Variants in SMCHD1 observed in about 807,000 individuals in gnomAD.
The protein encoded by SMCHD1 is structural maintenance of chromosomes flexible hinge domain containing 1.
A neutral mutation model predicts 254.7 loss-of-function variants in SMCHD1; 78 were observed. The observed-to-expected ratio is 0.31, with a 90% CI of 0.26 to 0.37. The LOEUF (loss-of-function observed/expected upper bound fraction) is 0.37. Ranked by LOEUF, SMCHD1 falls within the 10% of genes least tolerant of loss-of-function variation. The pLI, the probability that SMCHD1 is intolerant of heterozygous loss-of-function variation, is 1.00. For missense variants in SMCHD1, 1,840 were observed against 2,408.1 expected, an observed-to-expected ratio of 0.76 and a Z score of 4.94; for synonymous variants, 766 against 794.9, an observed-to-expected ratio of 0.96 and a Z score of 0.61.
chr18:2,662,409 G>A (rs2073308586), intron 1 of SMCHD1, among the ~76,000 whole-genome samples: 1 of 151,724 alleles, frequency 6.6e-6, no homozygotes, highest in Non-Finnish European at 1.5e-5. Flanking sequence ...ACTTTGGGAG[G>A]CCAAGGCAGG....
Position 2,721,664 on chromosome 18 carries a change from T to C in SMCHD1, c.2459-855T>C, listed in dbSNP as rs899131786. 7.2e-5 allele frequency among the ~76,000 whole-genome samples: 11 copies of C among 152,202 alleles called. 1 individual carries two copies. Among genetic ancestry groups the C allele is most frequent in the African/African-American group, 2.4e-4 (10 of 41,448 alleles). ...ATGCCATGGTACCTTCACTTCTCACTATGAGAGTTCCAATTGACTGCATGC... is the reference window on the plus strand; with the variant it reads ...ATGCCATGGTACCTTCACTTCTCACCATGAGAGTTCCAATTGACTGCATGC... On this transcript the variant is annotated intron_variant, in intron 19 of 47. Coordinates refer to ENST00000320876, the MANE Select transcript of SMCHD1 (RefSeq NM_015295.3).
chr18:2,703,773 A>G lies in SMCHD1; in HGVS notation c.1729A>G (p.Thr577Ala). Residue 577 changes from threonine (T) to alanine (A), a missense_variant, in exon 13 of 48, where the codon ACA becomes GCA. By Grantham distance (58) the Thr-to-Ala change is moderately conservative. Around this residue, in one of 9 missense-constraint regions of SMCHD1, gnomAD observed 498 missense variants for 743.5 expected, o/e 0.67. Coordinates refer to ENST00000320876, the MANE Select transcript of SMCHD1 (RefSeq NM_015295.3). ...HEKYDKQIKF[T>A]LFKGVITRPD... is the part of the protein sequence containing the mutation. ...GAAGTATGATAAACAAATAAAATTT[A>G]CACTTTTTAAGGGAGTAATTACACG... is the stretch of plus-strand genomic sequence containing the variant. 3 of 1,612,910 alleles carry G rather than the reference A, an allele frequency of 1.9e-6. No individual in the cohort carries two copies. Among genetic ancestry groups the G allele is most frequent in the Non-Finnish European group, 2.5e-6 (3 of 1,179,266 alleles).
chr18:2,736,390 C>T (rs1262084195), intron 25 of SMCHD1, among the ~76,000 whole-genome samples: 1 of 152,056 alleles, frequency 6.6e-6, no homozygotes, highest in Admixed American at 6.6e-5. Context: ...AGTTACAACA[C>T]AAACAAAAAT....
At chr18:2,733,294 T>G (rs1330208336) in intron 25 of SMCHD1, among the ~76,000 whole-genome samples, 1 of 152,212 alleles carries the variant, frequency 6.6e-6, no homozygotes, top group Non-Finnish European at 1.5e-5. Context: ...GGCACAATAC[T>G]CAAACTTTCT....
At chr18:2,716,561 G>A (rs2074803843) in intron 17 of SMCHD1, among the ~76,000 whole-genome samples, 1 of 152,178 alleles carries the variant, frequency 6.6e-6, no homozygotes, top group Non-Finnish European at 1.5e-5. Flanking sequence ...GCAGGGCTGG[G>A]CTGGAGAATC....
At chr18:2,661,200 G>A (rs1344248264) in intron 1 of SMCHD1, among the ~76,000 whole-genome samples, 1 of 152,124 alleles carries the variant, frequency 6.6e-6, no homozygotes, top group Non-Finnish European at 1.5e-5. Context: ...CAAGGAGAGG[G>A]AGAGAATTAG....
intron 44 of SMCHD1, among the ~76,000 whole-genome samples, chr18:2,783,014 T>C (rs555268884): frequency 6.6e-6 from 1 of 152,308 alleles, no homozygotes; most frequent in South Asian, 2.1e-4. Flanking sequence ...TTACATTTAC[T>C]TTATCTTGTA....
intron 17 of SMCHD1, among the ~76,000 whole-genome samples, chr18:2,715,868 A>G (rs2074786956): frequency 6.6e-6 from 1 of 152,152 alleles, no homozygotes; most frequent in Non-Finnish European, 1.5e-5. Flanking sequence ...TAAAATAATC[A>G]GTATTTTGAA....
chr18:2,688,353 A>G, intron 5 of SMCHD1, 41 bp from the exon 6 acceptor site: 3 of 1,426,168 alleles, frequency 2.1e-6, no homozygotes, highest in Non-Finnish European at 3.0e-6. Flanking sequence ...TTGACACTTA[A>G]CTAGCTTGTT....
intron 34 of SMCHD1, among the ~76,000 whole-genome samples, chr18:2,755,810 A>AG (rs1412052116): frequency 1.8e-4 from 27 of 147,864 alleles, no homozygotes; most frequent in Admixed American, 4.0e-4. Context: ...ATTGTGATCC[A>AG]CCCGCCTTGG....
chr18:2,747,528 C>T lies in SMCHD1; in HGVS notation c.3808C>T (p.Pro1270Ser), dbSNP rs770904056. The T allele has an allele frequency of 1.2e-6, 2 of 1,602,834 alleles. No homozygotes were observed. Among genetic ancestry groups the T allele is most frequent in the African/African-American group, 2.7e-5 (2 of 74,592 alleles). The change falls in exon 30 of 48, where the codon CCA (proline) becomes TCA (serine). Residue 1270 changes from proline to serine, a missense_variant. By Grantham distance (74) the Pro-to-Ser change is moderately conservative. Transcript: ENST00000320876. ...IDWPELKESI[P>S]VINGRDLQNP... ...ATATTTCTATTCTTTTCAGTCCATTCCAGTGATTAATGGAAGAGATTTACA... is the reference window on the plus strand; with the variant it reads ...ATATTTCTATTCTTTTCAGTCCATTTCAGTGATTAATGGAAGAGATTTACA...
chr18:2,755,553 TTTTC>T (rs543589679), intron 34 of SMCHD1, among the ~76,000 whole-genome samples: 27 of 138,038 alleles, frequency 2.0e-4, no homozygotes, highest in Non-Finnish European at 3.1e-4. Context: ...TGTATTTTCT[TTTTC>T]TTTCTTTCTT....
At chr18:2,702,562 T>G (rs1466996733) in intron 12 of SMCHD1, among the ~76,000 whole-genome samples, 2 of 152,164 alleles carry the variant, frequency 1.3e-5, no homozygotes, top group African/African-American at 4.8e-5. Context: ...AATCTCCATG[T>G]CAGCTGGCAA....
At chr18:2,708,936 G>T (rs2074599414) in intron 17 of SMCHD1, among the ~76,000 whole-genome samples, 1 of 109,738 alleles carries the variant, frequency 9.1e-6, no homozygotes, top group South Asian at 3.4e-4. Flanking sequence ...TTATGAAGTG[G>T]CATTAAGTAC....
At chr18:2,755,617 G>A (rs1249400211) in intron 34 of SMCHD1, among the ~76,000 whole-genome samples, 5 of 141,468 alleles carry the variant, frequency 3.5e-5, no homozygotes, top group African/African-American at 1.3e-4. Context: ...TCCCAGGCTG[G>A]AGTGCAGTAG....
Position 2,750,091 on chromosome 18 carries a change from A to G in SMCHD1, c.3976A>G (p.Asn1326Asp). ...QHKTDEKGRANLGVFSVFAPR... is the reference protein window; with the variant it reads ...QHKTDEKGRADLGVFSVFAPR... ...TAAAACAGATGAGAAAGGCAGGGCT[A>G]ATTTGGGAGTATTCAGTGTTTTTGC... Residue 1326 changes from asparagine to aspartate, a missense_variant, in exon 31 of 48, where the codon AAT (asparagine) becomes GAT (aspartate). Around this residue, in one of 9 missense-constraint regions of SMCHD1, gnomAD observed 881 missense variants for 1,009.5 expected, o/e 0.87. Transcript: ENST00000320876. 1 of 1,580,874 alleles carries G rather than the reference A, an allele frequency of 6.3e-7. No homozygotes were observed. Among genetic ancestry groups the G allele is most frequent in the Non-Finnish European group, 8.6e-7 (1 of 1,161,648 alleles).
intron 3 of SMCHD1, 99 bp downstream of exon 3, chr18:2,667,130 C>T: frequency 4.7e-6 from 4 of 843,466 alleles, no homozygotes; most frequent in Non-Finnish European, 7.2e-6. Flanking sequence ...CTTCTTATTA[C>T]ACTTTATTAG....
chr18:2,697,232 T>C (rs1385249576), intron 9 of SMCHD1, 110 bp downstream of exon 9: 2 of 530,464 alleles, frequency 3.8e-6, no homozygotes, highest in East Asian at 3.3e-5. Flanking sequence ...TTCTCTCTCC[T>C]TGTTTTTTAC....
intron 4 of SMCHD1, 42 bp downstream of exon 4, chr18:2,673,405 G>C (rs368026578): frequency 1.5e-6 from 2 of 1,326,226 alleles, no homozygotes; most frequent in African/African-American, 1.5e-5. Context: ...TTTTCCTTTT[G>C]TAAGAGTAAT....
Sources: allele counts gnomAD v4.1 joint callset (sites outside exome capture counted in the v4.1 genomes callset), GRCh38; gene constraint gnomAD v4.1.1; regional missense constraint gnomAD v4.1.1; transcripts MANE v1.5; gene names NCBI Gene and HGNC (gene_info 2026-07-23, HGNC 2026-07-21).